OR1J2: variants seen among roughly 807,000 people sequenced by gnomAD.
The protein encoded by OR1J2 is olfactory receptor family 1 subfamily J member 2.
For missense variants in OR1J2, 304 were observed against 246.1 expected (o/e 1.24, Z -1.57); for synonymous variants, 142 against 99.7 (o/e 1.42, Z -2.52).
chr9:122,476,730 G>A, the OR1J2 span, among the ~76,000 whole-genome samples: 1 of 151,338 alleles, frequency 6.6e-6, no homozygotes, highest in Non-Finnish European at 1.5e-5. Context: ...TTTTTTGACA[G>A]AGTCTTGCTC....
chr9:122,545,083 T>A, the OR1J2 span, among the ~76,000 whole-genome samples: 1 of 152,146 alleles, frequency 6.6e-6, no homozygotes, highest in Non-Finnish European at 1.5e-5. Context: ...TTAAATTTAT[T>A]CTTTGACTCA....
chr9:122,450,686 G>A, the OR1J2 span, among the ~76,000 whole-genome samples: 16 of 152,188 alleles, frequency 1.1e-4, no homozygotes, highest in Admixed American at 7.2e-4. Context: ...AACAAATCCC[G>A]GAACCAGTCC....
At chr9:122,473,842 C>G in the OR1J2 span, among the ~76,000 whole-genome samples, 8 of 152,182 alleles carry the variant, frequency 5.3e-5, no homozygotes, top group African/African-American at 1.9e-4. Context: ...GATTTATTTG[C>G]TACCCTAGGA....
At chr9:122,545,023 T>C in the OR1J2 span, among the ~76,000 whole-genome samples, 2 of 152,202 alleles carry the variant, frequency 1.3e-5, no homozygotes, top group East Asian at 3.8e-4. Flanking sequence ...TCCAACATTT[T>C]GGTGTTACAT....
chr9:122,459,886 A>G, the OR1J2 span, among the ~76,000 whole-genome samples: 1 of 152,092 alleles, frequency 6.6e-6, no homozygotes, highest in African/African-American at 2.4e-5. Flanking sequence ...CTATTGAATT[A>G]GATTGGTGCA....
chr9:122,477,033 C>T, the OR1J2 span: 1 of 1,613,972 alleles, frequency 6.2e-7, no homozygotes, highest in Non-Finnish European at 8.5e-7. Flanking sequence ...TTAGGGCTCC[C>T]TTAATGTCTT....
chr9:122,553,596 A>G, the OR1J2 span: 1 of 1,614,102 alleles, frequency 6.2e-7, no homozygotes, highest in Admixed American at 1.7e-5. Flanking sequence ...CTATGTGGCC[A>G]TCTGCCAACC....
the OR1J2 span, among the ~76,000 whole-genome samples, chr9:122,562,357 T>C: frequency 8.3e-4 from 127 of 152,358 alleles, no homozygotes; most frequent in African/African-American, 2.7e-3. Flanking sequence ...CTGCAACTCC[T>C]CCCAGGAAGT....
chr9:122,576,332 C>T, the OR1J2 span, among the ~76,000 whole-genome samples: 1 of 152,078 alleles, frequency 6.6e-6, no homozygotes, highest in Non-Finnish European at 1.5e-5. Flanking sequence ...AGCAATTCTC[C>T]TGGCTCAGCC....
At chr9:122,526,885 G>A in the OR1J2 span, 3 of 1,614,202 alleles carry the variant, frequency 1.9e-6, no homozygotes, top group Admixed American at 1.7e-5. Flanking sequence ...GCACAGACTT[G>A]GGGCCTCATG....
the OR1J2 span, among the ~76,000 whole-genome samples, chr9:122,548,507 C>T: frequency 6.6e-6 from 1 of 151,976 alleles, no homozygotes; most frequent in African/African-American, 2.4e-5. Flanking sequence ...GTCATTATGC[C>T]AAAGTGACTC....
downstream of OR1J2, among the ~76,000 whole-genome samples, chr9:122,513,758 A>G (rs577460056): frequency 2.0e-5 from 3 of 151,528 alleles, 1 homozygote; most frequent in African/African-American, 7.3e-5. Context: ...TGCTCTCATC[A>G]TTCAACTCCC....
chr9:122,510,781 T>G, upstream of OR1J2: 1 of 1,313,880 alleles, frequency 7.6e-7, no homozygotes, highest in Middle Eastern at 1.9e-4. Context: ...ATTCTTCATC[T>G]CCATCAGAGG....
the OR1J2 span, among the ~76,000 whole-genome samples, chr9:122,456,586 A>G: frequency 6.6e-6 from 1 of 152,246 alleles, no homozygotes; most frequent in Admixed American, 6.5e-5. Flanking sequence ...ACACGAAAGA[A>G]TACAGTCTTT....
At chr9:122,543,110 CTG>C in the OR1J2 span, among the ~76,000 whole-genome samples, 1 of 152,150 alleles carries the variant, frequency 6.6e-6, no homozygotes. Flanking sequence ...CATATGATAA[CTG>C]TATGTTCAGT....
the OR1J2 span, among the ~76,000 whole-genome samples, chr9:122,539,042 A>G: frequency 6.6e-6 from 1 of 152,152 alleles, no homozygotes; most frequent in Non-Finnish European, 1.5e-5. Context: ...ATACAAAGAT[A>G]GTACACCTAT....
the OR1J2 span, among the ~76,000 whole-genome samples, chr9:122,484,174 T>G: frequency 2.6e-5 from 4 of 152,206 alleles, no homozygotes; most frequent in East Asian, 7.7e-4. Context: ...TTTTTGTTTG[T>G]TTTTTTGAGA....
At chr9:122,557,438 A>G in the OR1J2 span, among the ~76,000 whole-genome samples, 1 of 152,084 alleles carries the variant, frequency 6.6e-6, no homozygotes, top group Admixed American at 6.6e-5. Flanking sequence ...ATTTTTGTGA[A>G]GTGCTTTTTC....
At chr9:122,492,945 T>G in the OR1J2 span, among the ~76,000 whole-genome samples, 1 of 152,180 alleles carries the variant, frequency 6.6e-6, no homozygotes, top group Non-Finnish European at 1.5e-5. Flanking sequence ...TCAAATGCTT[T>G]TCCTGTGTCT....
Sources: allele counts gnomAD v4.1 joint callset (sites outside exome capture counted in the v4.1 genomes callset), GRCh38; gene constraint gnomAD v4.1.1; transcripts MANE v1.5; gene names NCBI Gene and HGNC (gene_info 2026-07-23, HGNC 2026-07-21).